Variants in HSPD1 observed in about 807,000 individuals in gnomAD.
The protein encoded by HSPD1 is heat shock protein family D (Hsp60) member 1.
HSPD1 carries 3 observed loss-of-function variants against 53.0 expected under a neutral mutation model. The observed-to-expected ratio is 0.06, with a 90% CI of 0.03 to 0.15. The LOEUF is 0.15. Among genes scored for constraint, HSPD1 ranks in the 10% least tolerant of loss-of-function variants. The pLI is 1.00. For synonymous variants in HSPD1, 200 were observed against 228.0 expected, an observed-to-expected ratio of 0.88 and a Z score of 1.10; for missense variants, 431 against 694.1, an observed-to-expected ratio of 0.62 and a Z score of 4.26.
At chr2:197,488,273 A>T (rs573412214) in intron 10 of HSPD1, 44 bp downstream of exon 10, 1 of 1,574,602 alleles carries the variant, frequency 6.4e-7, no homozygotes, top group African/African-American at 1.4e-5. Flanking sequence ...TTCTAAGAAA[A>T]ACTAAAATCA....
At chr2:197,496,015 A>G (rs960071630) in intron 3 of HSPD1, among the ~76,000 whole-genome samples, 1 of 152,190 alleles carries the variant, frequency 6.6e-6, no homozygotes, top group Non-Finnish European at 1.5e-5. Context: ...TCTCATGTCC[A>G]TTAGATGATG....
upstream of HSPD1, chr2:197,500,232 C>T (rs2086231108): frequency 1.5e-6 from 1 of 649,138 alleles, no homozygotes; most frequent in Non-Finnish European, 2.7e-6. Context: ...GCGTCAGCGT[C>T]CTGCGCAGGG....
chr2:197,486,809 T>C lies in HSPD1; in HGVS notation c.*237A>G, dbSNP rs1242005302. On this transcript the variant is annotated 3_prime_UTR_variant, in exon 12 of 12. Transcript: ENST00000388968. ...TGGCTCTTGTACCCAGTATCAGGAATGTACAAATGTTTTTTATTCAAAAAT... is the reference window on the plus strand; with the variant it reads ...TGGCTCTTGTACCCAGTATCAGGAACGTACAAATGTTTTTTATTCAAAAAT... 1.2e-5 allele frequency: 6 copies of C among 498,048 alleles called. No homozygotes were observed. Among genetic ancestry groups the C allele is most frequent in the African/African-American group, 5.8e-5 (3 of 51,380 alleles). 30.9% of individuals were successfully genotyped at this position (498,048 alleles called of 1,614,324 possible). A position where few individuals can be genotyped will look rare whatever the true frequency, so the allele number is the denominator to read the frequency against.
Position 197,494,250 on chromosome 2 carries a change from C to T in HSPD1, c.607G>A (p.Asp203Asn). The T allele has an allele frequency of 6.8e-7, 1 of 1,480,198 alleles. No individual in the cohort carries two copies. Among genetic ancestry groups the T allele is most frequent in the African/African-American group, 1.4e-5 (1 of 72,504 alleles). 91.7% of individuals were successfully genotyped at this position (1,480,198 alleles called of 1,614,324 possible). ...AATTCATCATTCAGTGTTTTTCCAT[C>T]CTATGAAAAGTCAAAGAATTAGGTA... Reference protein sequence around the residue: ...VGRKGVITVKDGKTLNDELEI... With the variant: ...VGRKGVITVKNGKTLNDELEI... Residue 203 changes from aspartate (D) to asparagine (N), a missense_variant and splice_region_variant, in exon 6 of 12, where the codon GAT becomes AAT. Physicochemically the swap from Asp to Asn is conservative, Grantham distance 23. Transcript: ENST00000388968.
In HSPD1 at chr2:197,493,338, T is replaced by G; in HGVS notation, c.855A>C (p.Thr285=). The change falls in exon 7 of 12, where the codon ACA becomes ACC. Residue 285 remains threonine (T), a synonymous_variant. Coordinates refer to ENST00000388968, the MANE Select transcript of HSPD1 (RefSeq NM_002156.5). ...CTGCTTATTACCTATTCAAGACGAG[T>G]GTACTTAGAGCTTCTCCATCAACAT... is the stretch of plus-strand genomic sequence containing the variant. ...AEDVDGEALS[T]LVLNRLKVGL... is the part of the protein sequence containing the mutation. 1 of 1,611,890 alleles carries G rather than the reference T, an allele frequency of 6.2e-7. No individual in the cohort carries two copies. Among genetic ancestry groups the G allele is most frequent in the Non-Finnish European group, 8.5e-7 (1 of 1,179,246 alleles).
chr2:197,494,533 TA>T (rs2086133464), intron 5 of HSPD1, 123 bp downstream of exon 5: 1 of 640,798 alleles, frequency 1.6e-6, no homozygotes, highest in Non-Finnish European at 2.7e-6. Context: ...TATGAAGGAA[TA>T]AAAAAAGCAG....
At chr2:197,490,366 T>G in intron 7 of HSPD1, 70 bp from the exon 8 acceptor site, 1 of 1,193,246 alleles carries the variant, frequency 8.4e-7, no homozygotes, top group Non-Finnish European at 1.3e-6. Context: ...CCCCTCAAGC[T>G]GTTACTAGAT....
intron 7 of HSPD1, among the ~76,000 whole-genome samples, chr2:197,492,618 A>T (rs1449799810): frequency 1.3e-5 from 2 of 152,026 alleles, no homozygotes; most frequent in Non-Finnish European, 2.9e-5. Context: ...CAAGATTGAC[A>T]CTTGAACCCC....
At chr2:197,498,563 G>A (rs949885328) in intron 2 of HSPD1, 112 bp downstream of exon 2, 2 of 961,858 alleles carry the variant, frequency 2.1e-6, no homozygotes, top group African/African-American at 1.6e-5. Context: ...CATGTAAACT[G>A]AGTTCTCTCA....
chr2:197,496,852 C>A, intron 3 of HSPD1: 1 of 424,478 alleles, frequency 2.4e-6, no homozygotes, highest in South Asian at 2.3e-5. Context: ...AGGAGGATTG[C>A]TTGAGCCCAG....
At chr2:197,495,489 AT>A (rs879711936) in intron 3 of HSPD1, 113 bp from the exon 4 acceptor site, 46,203 of 464,744 alleles carry the variant, frequency 0.099, no homozygotes, top group South Asian at 0.13. Context: ...AAAAAAAAAA[AT>A]TTTTTTTTTT....
chr2:197,493,295 A>G (rs962069691), intron 7 of HSPD1, 29 bp downstream of exon 7: 1 of 1,588,132 alleles, frequency 6.3e-7, no homozygotes, highest in Non-Finnish European at 8.6e-7. Context: ...ACCGAGAAAT[A>G]TAAATCAACA....
chr2:197,495,143 T>C, intron 4 of HSPD1, 151 bp downstream of exon 4: 1 of 658,016 alleles, frequency 1.5e-6, no homozygotes, highest in Non-Finnish European at 2.8e-6. Context: ...GTCATAATTC[T>C]TTTCAAAGGT....
At chr2:197,499,120 C>CA (rs1425623167) in intron 1 of HSPD1, 2 of 533,924 alleles carry the variant, frequency 3.7e-6, no homozygotes, top group Non-Finnish European at 6.8e-6. Context: ...TCCCTGCCGC[C>CA]AAAAACGAGT....
rs149631391 is a variant in HSPD1 at position 197,498,841 on chromosome 2, C to A, written c.8G>T (p.Arg3Leu). Reference sequence around the variant, plus strand: ...CATCTGGCGAAAGACTGTGGGTAACCGAAGCATTTCTGGGGATGGAAGCAA... The same window carrying A: ...CATCTGGCGAAAGACTGTGGGTAACAGAAGCATTTCTGGGGATGGAAGCAA... MLRLPTVFRQMRP... is the reference protein window; with the variant it reads MLLLPTVFRQMRP... The change falls in exon 2 of 12, where the codon CGG becomes CTG. Residue 3 changes from arginine (R) to leucine (L), a missense_variant. By Grantham distance (102) the Arg-to-Leu change is moderately radical (BLOSUM62 -2). Around this residue, in one of 2 missense-constraint regions of HSPD1, gnomAD observed 45 missense variants for 36.5 expected, o/e 1.23. Coordinates refer to ENST00000388968, the MANE Select transcript of HSPD1 (RefSeq NM_002156.5). 6.2e-7 allele frequency: 1 copy of A among 1,614,140 alleles called. No homozygotes were observed. The highest frequency in any genetic ancestry group is 2.2e-5 in the East Asian group (1 of 44,876).
chr2:197,487,229 C>CT, intron 11 of HSPD1, 31 bp from the exon 12 acceptor site: 1 of 1,598,378 alleles, frequency 6.3e-7, no homozygotes, highest in Non-Finnish European at 8.6e-7. Context: ...TTAGTTTTCC[C>CT]TTAGTAAAAT....
Position 197,494,154 on chromosome 2 carries a change from T to A in HSPD1, c.700+3A>T. On this transcript the variant is annotated splice_donor_region_variant and intron_variant, in intron 6 of 11. Coordinates refer to ENST00000388968, the MANE Select transcript of HSPD1 (RefSeq NM_002156.5). ...AATAATTCAGTTATTGATTTGTTCT[T>A]ACCTTTTGATGTATTAATAAAGTAT... 8.3e-7 allele frequency: 1 copy of A among 1,198,464 alleles called. No individual in the cohort carries two copies. Among genetic ancestry groups the A allele is most frequent in the Non-Finnish European group, 1.2e-6 (1 of 802,838 alleles). 74.2% of individuals were successfully genotyped at this position (1,198,464 alleles called of 1,614,324 possible).
rs776425415 is a variant in HSPD1 at position 197,487,030 on chromosome 2, A to G, written c.*16T>C. 139 of 1,194,532 alleles carry G rather than the reference A, an allele frequency of 1.2e-4. No individual in the cohort carries two copies. Among genetic ancestry groups the G allele is most frequent in the Non-Finnish European group, 1.7e-4 (134 of 798,274 alleles). 74.0% of individuals were successfully genotyped at this position (1,194,532 alleles called of 1,614,324 possible). On this transcript the variant is annotated 3_prime_UTR_variant, in exon 12 of 12. Transcript: ENST00000388968. ...TGTCACAGTTCATTAATAAAGGTAA[A>G]GCACTAGTCTAGGAGTTAGAACATG...
intron 9 of HSPD1, among the ~76,000 whole-genome samples, 200 bp downstream of exon 9, chr2:197,488,802 A>C (rs2086056526): frequency 6.6e-6 from 1 of 152,240 alleles, no homozygotes; most frequent in Non-Finnish European, 1.5e-5. Flanking sequence ...CAAGAGGCGG[A>C]GGTTGCAGTG....
Sources: gnomAD v4.1 joint callset for allele counts (sites outside exome capture counted in the v4.1 genomes callset) on GRCh38, gnomAD v4.1.1 for gene constraint, gnomAD v4.1.1 regional missense constraint, MANE v1.5 for transcripts, NCBI Gene and HGNC (gene_info 2026-07-23, HGNC 2026-07-21) for gene names.